SLC8A3: variants seen among roughly 807,000 people sequenced by gnomAD.
The protein encoded by SLC8A3 is solute carrier family 8 member A3.
In SLC8A3, 37 loss-of-function variants were observed where a neutral mutation model predicts 65.4. That is an observed-to-expected ratio of 0.57 (90% CI 0.44 to 0.74). The LOEUF (loss-of-function observed/expected upper bound fraction) is 0.74. SLC8A3 is among the 30% of genes least tolerant of loss of function. The pLI is 0.00. For missense variants in SLC8A3, 1,112 were observed against 1,172.1 expected (o/e 0.95, Z 0.75); for synonymous variants, 461 against 444.5 (o/e 1.04, Z -0.47).
intron 1 of SLC8A3, among the ~76,000 whole-genome samples, chr14:70,184,430 T>C (rs1232968613): frequency 6.6e-6 from 1 of 152,220 alleles, no homozygotes; most frequent in Non-Finnish European, 1.5e-5. Context: ...TTAATCTCTG[T>C]CTTCAGTCAT....
In SLC8A3 at chr14:70,058,632, G is replaced by A. The variant is rs184279095; in HGVS notation, c.1888+2204C>T. Reference sequence around the variant, plus strand: ...GGAAGATGTCCTTAAATGGGGATTAGCCAAAGACATTTGCATTTGGTTAGG... The same window carrying A: ...GGAAGATGTCCTTAAATGGGGATTAACCAAAGACATTTGCATTTGGTTAGG... On this transcript the variant is annotated intron_variant, in intron 3 of 6. Transcript: ENST00000356921. Among the ~76,000 whole-genome samples, 20 of 152,344 alleles carry A rather than the reference G, an allele frequency of 1.3e-4. No homozygotes were observed. The East Asian group carries it at 3.1e-3, about 24-fold the overall frequency.
chr14:70,099,567 C>T (rs1292741213), intron 2 of SLC8A3, among the ~76,000 whole-genome samples: 2 of 152,190 alleles, frequency 1.3e-5, no homozygotes, highest in African/African-American at 2.4e-5. Flanking sequence ...AACAGCTTAG[C>T]ACAGTGTTGA....
chr14:70,164,609 G>T (rs1320337083), intron 2 of SLC8A3, among the ~76,000 whole-genome samples: 1 of 152,042 alleles, frequency 6.6e-6, no homozygotes, highest in African/African-American at 2.4e-5. Flanking sequence ...AGAGACCCTA[G>T]GTGCATAATT....
chr14:70,115,185 G>A (rs974009157), intron 2 of SLC8A3, among the ~76,000 whole-genome samples: 2 of 152,114 alleles, frequency 1.3e-5, no homozygotes, highest in African/African-American at 4.8e-5. Context: ...GGAAGATGGC[G>A]GCTGAGTCAG....
At chr14:70,165,158 G>C (rs997131692) in intron 2 of SLC8A3, among the ~76,000 whole-genome samples, 8 of 152,332 alleles carry the variant, frequency 5.3e-5, no homozygotes, top group African/African-American at 1.4e-4. Context: ...GGAAAGTATT[G>C]TTATTCCCAG....
At chr14:70,070,230 G>A (rs1889885050) in intron 2 of SLC8A3, among the ~76,000 whole-genome samples, 1 of 152,164 alleles carries the variant, frequency 6.6e-6, no homozygotes, top group Admixed American at 6.5e-5. Context: ...TTTTGTGCTA[G>A]GCAGAGCTCT....
intron 3 of SLC8A3, among the ~76,000 whole-genome samples, chr14:70,057,701 G>A (rs1045573663): frequency 9.9e-5 from 15 of 152,220 alleles, no homozygotes; most frequent in Admixed American, 2.0e-4. Flanking sequence ...CATGAGAGAA[G>A]CTGGAGCTGA....
chr14:70,074,219 T>G (rs1890276378), intron 2 of SLC8A3, among the ~76,000 whole-genome samples: 2 of 152,190 alleles, frequency 1.3e-5, no homozygotes, highest in Non-Finnish European at 2.9e-5. Context: ...ATTTGGGGTG[T>G]GTTGAATTGT....
chr14:70,074,990 C>T (rs1425075903), intron 2 of SLC8A3, among the ~76,000 whole-genome samples: 1 of 152,072 alleles, frequency 6.6e-6, no homozygotes. Context: ...TGCTTACTTA[C>T]TACAGGTTCT....
chr14:70,049,137 G>C (rs975373486), intron 5 of SLC8A3, 95 bp from the exon 6 acceptor site: 1 of 1,215,944 alleles, frequency 8.2e-7, no homozygotes, highest in Admixed American at 2.3e-5. Flanking sequence ...GGCATCATCC[G>C]CTAGAAGGGG....
chr14:70,180,546 C>G (rs1882660200), intron 1 of SLC8A3, among the ~76,000 whole-genome samples: 1 of 152,128 alleles, frequency 6.6e-6, no homozygotes, highest in South Asian at 2.1e-4. Context: ...TTTTCAGGGG[C>G]TAAAAGGCAT....
chr14:70,187,339 G>A (rs113473414), intron 1 of SLC8A3: 1,977 of 169,008 alleles, frequency 0.012, 50 homozygotes, highest in African/African-American at 0.045. Context: ...GGGGGAGAGA[G>A]AGAGAGAGAG....
chr14:70,138,291 A>G lies in SLC8A3; in HGVS notation c.1784+28348T>C, dbSNP rs537114042. On this transcript the variant is annotated intron_variant, in intron 2 of 6. Transcript: ENST00000356921. ...AGAATGTAAGCTCCGCTGGGCAGGG[A>G]TTGTATCTTCTTTGTTCACTGCTGC... Among the ~76,000 whole-genome samples the G allele has an allele frequency of 8.5e-5, 13 of 152,316 alleles. 1 individual carries two copies.
intron 2 of SLC8A3, chr14:70,080,122 A>G: frequency 1.0e-6 from 1 of 984,672 alleles, no homozygotes; most frequent in South Asian, 4.7e-5. Flanking sequence ...TGACTTATCC[A>G]CCCTCCTGGC....
At chr14:70,125,122 G>T (rs1466414155) in intron 2 of SLC8A3, among the ~76,000 whole-genome samples, 3 of 152,028 alleles carry the variant, frequency 2.0e-5, no homozygotes, top group African/African-American at 7.2e-5. Flanking sequence ...ATAAAGCTGG[G>T]GACCCATAGG....
At chr14:70,071,796 T>A (rs1477316912) in intron 2 of SLC8A3, among the ~76,000 whole-genome samples, 3 of 152,232 alleles carry the variant, frequency 2.0e-5, no homozygotes, top group South Asian at 4.1e-4. Context: ...AACAGACAAC[T>A]AATATGGAAG....
At chr14:70,106,830 T>A (rs563437390) in intron 2 of SLC8A3, among the ~76,000 whole-genome samples, 1 of 152,312 alleles carries the variant, frequency 6.6e-6, no homozygotes, top group East Asian at 1.9e-4. Flanking sequence ...ATATGGATGC[T>A]ATGTTACTTG....
chr14:70,119,499 T>G (rs1893897872), intron 2 of SLC8A3, among the ~76,000 whole-genome samples: 2 of 152,174 alleles, frequency 1.3e-5, no homozygotes, highest in South Asian at 4.1e-4. Context: ...ACATCAGATT[T>G]TATCCAGTTA....
At chr14:70,110,976 G>A (rs147513386) in intron 2 of SLC8A3, among the ~76,000 whole-genome samples, 160 of 152,240 alleles carry the variant, frequency 1.1e-3, no homozygotes, top group Non-Finnish European at 1.9e-3. Flanking sequence ...CACCGCGCCC[G>A]GCTGCAGATA....
Sources: allele counts gnomAD v4.1 joint callset (sites outside exome capture counted in the v4.1 genomes callset), GRCh38; gene constraint gnomAD v4.1.1; transcripts MANE v1.5; gene names NCBI Gene and HGNC (gene_info 2026-07-23, HGNC 2026-07-21).